The following ANO2 variants were observed in gnomAD, a reference collection of about 807,000 sequenced individuals.
The protein encoded by ANO2 is anoctamin 2.
A neutral mutation model predicts 124.2 loss-of-function variants in ANO2; 101 were observed. The ratio of observed to expected loss-of-function variants is 0.81; its 90% CI spans 0.69 to 0.96. The LOEUF is 0.96. Ranked by LOEUF, ANO2 falls within the 40% of genes least tolerant of loss-of-function variation. The pLI, the probability that ANO2 is intolerant of heterozygous loss-of-function variation, is 0.00. For missense variants in ANO2, 1,293 were observed against 1,274.5 expected (o/e 1.01, Z -0.22); for synonymous variants, 486 against 482.5 (o/e 1.01, Z -0.09).
chr12:5,689,992 CAT>C (rs1351065727), intron 14 of ANO2, among the ~76,000 whole-genome samples: 5 of 152,170 alleles, frequency 3.3e-5, no homozygotes, highest in Admixed American at 2.0e-4. Context: ...GCAGCAGTGA[CAT>C]GTGTAAGTCT....
At chr12:5,679,443 A>G (rs1354301565) in intron 14 of ANO2, among the ~76,000 whole-genome samples, 1 of 152,244 alleles carries the variant, frequency 6.6e-6, no homozygotes, top group East Asian at 1.9e-4. Context: ...ATTTACAAGA[A>G]GAAAACAAAC....
intron 14 of ANO2, among the ~76,000 whole-genome samples, chr12:5,653,959 T>C (rs1244950081): frequency 6.6e-6 from 1 of 152,236 alleles, no homozygotes; most frequent in Non-Finnish European, 1.5e-5. Context: ...TATGATCAAA[T>C]GGCTCCGTGT....
chr12:5,746,676 T>TAA (rs1434834040), intron 11 of ANO2, among the ~76,000 whole-genome samples: 3 of 152,202 alleles, frequency 2.0e-5, no homozygotes, highest in Non-Finnish European at 4.4e-5. Flanking sequence ...ACCAAGACCC[T>TAA]AAAGTGAGCA....
At chr12:5,659,334 T>C (rs909004322) in intron 14 of ANO2, among the ~76,000 whole-genome samples, 1 of 152,210 alleles carries the variant, frequency 6.6e-6, no homozygotes, top group South Asian at 2.1e-4. Context: ...CCATAGCTCC[T>C]GTCACCATAA....
chr12:5,923,015 C>T (rs1384507488), intron 1 of ANO2, among the ~76,000 whole-genome samples: 1 of 151,918 alleles, frequency 6.6e-6, no homozygotes, highest in Non-Finnish European at 1.5e-5. Context: ...ACTGCATACA[C>T]ACACGCACAC....
intron 9 of ANO2, 86 bp from the exon 10 acceptor site, chr12:5,799,657 A>G: frequency 8.3e-7 from 1 of 1,209,400 alleles, no homozygotes; most frequent in East Asian, 2.4e-5. Context: ...TCAGATTTTT[A>G]TCCCCAAAGT....
chr12:5,637,926 A>C (rs978273526), intron 15 of ANO2, among the ~76,000 whole-genome samples: 2 of 152,188 alleles, frequency 1.3e-5, no homozygotes, highest in South Asian at 2.1e-4. Flanking sequence ...CATTTTGGAG[A>C]TGAAGAAACG....
chr12:5,860,077 G>C (rs990816543), intron 3 of ANO2, among the ~76,000 whole-genome samples: 1 of 151,948 alleles, frequency 6.6e-6, no homozygotes, highest in East Asian at 1.9e-4. Flanking sequence ...TCCTCCCCAG[G>C]CTCCAGCACC....
rs549099501 is a variant in ANO2 at position 5,907,636 on chromosome 12, G to GAAA, written c.534+13401_534+13403dup. ...ATTCAACTCAGCCCATAAAGAGGGGGAAAAAAAAAGGAAAATTGAAGCACA... is the reference window on the plus strand; with the variant it reads ...ATTCAACTCAGCCCATAAAGAGGGGGAAAAAAAAAAAAGGAAAATTGAAGCACA... On this transcript the variant is annotated intron_variant, in intron 3 of 24. Transcript: ENST00000682330. Among the ~76,000 whole-genome samples, 579 of 150,962 alleles carry GAAA rather than the reference G, an allele frequency of 3.8e-3. 4 individuals carry two copies. Among genetic ancestry groups the GAAA allele is most frequent in the African/African-American group, 0.013 (550 of 41,158 alleles).
intron 9 of ANO2, among the ~76,000 whole-genome samples, chr12:5,805,577 T>C (rs1222624037): frequency 6.6e-6 from 1 of 152,198 alleles, no homozygotes; most frequent in African/African-American, 2.4e-5. Flanking sequence ...TCACCTAAAG[T>C]TGACCCTCCA....
chr12:5,921,480 A>G (rs1941699585), intron 2 of ANO2, 114 bp from the exon 3 acceptor site: 1 of 1,002,986 alleles, frequency 1.0e-6, no homozygotes, highest in South Asian at 1.6e-5. Flanking sequence ...CAAGCCTCTC[A>G]GGCCCAAAGG....
chr12:5,578,089 T>TGCAGG, intron 21 of ANO2, 82 bp from the exon 22 acceptor site: 1 of 1,517,348 alleles, frequency 6.6e-7, no homozygotes, highest in South Asian at 1.2e-5. Context: ...GGTGATGTTT[T>TGCAGG]GCAGGTGAAC....
intron 10 of ANO2, among the ~76,000 whole-genome samples, chr12:5,764,179 A>T (rs1400705954): frequency 6.6e-6 from 1 of 152,180 alleles, no homozygotes; most frequent in African/African-American, 2.4e-5. Flanking sequence ...TTCTCACAAC[A>T]TCTTTTCGAG....
chr12:5,586,777 G>A lies in ANO2; in HGVS notation c.2234-8259C>T, dbSNP rs117176936. On this transcript the variant is annotated intron_variant, in intron 20 of 24. Coordinates refer to ENST00000682330, the MANE Select transcript of ANO2 (RefSeq NM_001364791.2). ...TCATTGTTTTTGATTCTCTGTCTCC[G>A]TTTTAAGTCACCGGGACTCTGGAGT... 3.1e-3 allele frequency among the ~76,000 whole-genome samples: 465 copies of A among 152,270 alleles called. 2 individuals are homozygous for A. The highest frequency in any genetic ancestry group is 4.5e-3 in the Admixed American group (69 of 15,294).
At position 5,900,963 on chromosome 12, in the gene ANO2, C is replaced by T. The variant is rs549128519; in HGVS notation, c.534+20077G>A. On this transcript the variant is annotated intron_variant, in intron 3 of 24. Coordinates refer to ENST00000682330, the MANE Select transcript of ANO2 (RefSeq NM_001364791.2). The surrounding 1 kb of genome is among the most constrained non-coding windows in gnomAD (Gnocchi z 4.2). Reference sequence around the variant, plus strand: ...GGCTTTTTGTATTCATCAATTCAGACGTTCTCCTGGGGAGGGCCTTGACTT... The same window carrying T: ...GGCTTTTTGTATTCATCAATTCAGATGTTCTCCTGGGGAGGGCCTTGACTT... 1.6e-4 allele frequency among the ~76,000 whole-genome samples: 24 copies of T among 152,268 alleles called. No homozygotes were observed. Among genetic ancestry groups the T allele is most frequent in the Admixed American group, 3.9e-4 (6 of 15,302 alleles).
rs114559321 is a variant in ANO2, at chr12:5,842,948, C to T, written c.634-10345G>A. Among the ~76,000 whole-genome samples, 308 of 152,262 alleles carry T rather than the reference C, an allele frequency of 2.0e-3. 1 individual carries two copies. Among genetic ancestry groups the T allele is most frequent in the African/African-American group, 7.0e-3 (291 of 41,544 alleles). On this transcript the variant is annotated intron_variant, in intron 4 of 24. Transcript: ENST00000682330. The stretch of plus-strand genomic sequence containing the variant: ...AATAAAAAGCATTCTGCACTCTTTC[C>T]AGTCTATTTAAACAGCAATCAAAGC...
intron 14 of ANO2, among the ~76,000 whole-genome samples, chr12:5,648,513 G>A (rs142484794): frequency 1.3e-5 from 2 of 152,292 alleles, no homozygotes; most frequent in East Asian, 3.9e-4. Flanking sequence ...TGCGACAATC[G>A]TTATCAGTAA....
intron 17 of ANO2, among the ~76,000 whole-genome samples, chr12:5,613,554 C>T (rs1204490295): frequency 6.6e-6 from 1 of 152,142 alleles, no homozygotes; most frequent in African/African-American, 2.4e-5. Flanking sequence ...AGTAAAAGCC[C>T]ACCATGGAAC....
At chr12:5,690,817 T>TA (rs1948901456) in intron 14 of ANO2, among the ~76,000 whole-genome samples, 1 of 152,158 alleles carries the variant, frequency 6.6e-6, no homozygotes, top group Non-Finnish European at 1.5e-5. Flanking sequence ...ATCCTGAGCA[T>TA]AAAAATGAAC....
Sources: allele counts gnomAD v4.1 joint callset (sites outside exome capture counted in the v4.1 genomes callset), GRCh38; gene constraint gnomAD v4.1.1; non-coding constraint Gnocchi (gnomAD v3.1); transcripts MANE v1.5; gene names NCBI Gene and HGNC (gene_info 2026-07-23, HGNC 2026-07-21).